Variants in ARL8B observed in about 807,000 individuals in gnomAD.
ARL8B encodes the protein ARF like GTPase 8B.
Under a neutral mutation model 30.6 loss-of-function variants are expected in ARL8B, and 9 were observed. The observed-to-expected ratio is 0.29, with a 90% confidence interval of 0.18 to 0.51. The LOEUF (loss-of-function observed/expected upper bound fraction) is 0.51, where lower values mean the gene tolerates loss of function less well. ARL8B is among the 20% of genes least tolerant of loss of function. The probability of loss-of-function intolerance (pLI) is 0.97; values close to 1 mark genes in which losing one functional copy is unlikely to be tolerated. For missense variants in ARL8B, 130 were observed against 227.2 expected (o/e 0.57, Z 2.75); for synonymous variants, 74 against 76.0 (o/e 0.97, Z 0.14).
chr3:5,143,533 A>T (rs1338850345), intron 1 of ARL8B, among the ~76,000 whole-genome samples: 1 of 152,292 alleles, frequency 6.6e-6, no homozygotes, highest in Admixed American at 6.5e-5. Context: ...TGCACTTTCC[A>T]CTGGTCTTGT....
Position 5,122,444 on chromosome 3 carries a change from G to A in ARL8B, c.-22G>A, listed in dbSNP as rs1007631644. The A allele has an allele frequency of 1.2e-6, 2 of 1,611,716 alleles. No homozygotes were observed. The highest frequency in any genetic ancestry group is 2.7e-5 in the African/African-American group (2 of 74,890). The stretch of plus-strand genomic sequence containing the variant: ...CCGCCGCTCGTCCGTCCTCCCGTCC[G>A]TTCTCGCTCCCGGCCGCCATCATGC... On this transcript the variant is annotated 5_prime_UTR_variant, in exon 1 of 7. Coordinates refer to ENST00000256496, the MANE Select transcript of ARL8B (RefSeq NM_018184.3).
intron 1 of ARL8B, among the ~76,000 whole-genome samples, chr3:5,123,642 T>C (rs573486369): frequency 3.7e-4 from 56 of 152,300 alleles, no homozygotes; most frequent in African/African-American, 1.3e-3. Flanking sequence ...ACTGTTGAAA[T>C]CCTGAAGATT....
intron 1 of ARL8B, among the ~76,000 whole-genome samples, 167 bp downstream of exon 1, chr3:5,122,755 C>T (rs1428606387): frequency 6.6e-6 from 1 of 152,206 alleles, no homozygotes; most frequent in Non-Finnish European, 1.5e-5. Context: ...GAATTTCCCG[C>T]GTGTTGGCGG....
At chr3:5,147,459 T>C (rs1377418502) in intron 1 of ARL8B, among the ~76,000 whole-genome samples, 3 of 152,214 alleles carry the variant, frequency 2.0e-5, no homozygotes, top group African/African-American at 7.2e-5. Flanking sequence ...TTCTTTTTTC[T>C]ATTCAGGACA....
intron 1 of ARL8B, among the ~76,000 whole-genome samples, chr3:5,128,920 A>G: frequency 6.6e-6 from 1 of 152,046 alleles, no homozygotes; most frequent in East Asian, 1.9e-4. Flanking sequence ...TATCTAAAAC[A>G]TTTTTCATGT....
chr3:5,131,459 C>T (rs527263004), intron 1 of ARL8B, among the ~76,000 whole-genome samples: 17 of 151,674 alleles, frequency 1.1e-4, no homozygotes, highest in Admixed American at 2.0e-4. Context: ...GGCGCGATCT[C>T]GGCTCACTGC....
chr3:5,156,488 C>T (rs556246391), intron 1 of ARL8B, among the ~76,000 whole-genome samples: 14 of 151,968 alleles, frequency 9.2e-5, no homozygotes, highest in African/African-American at 3.4e-4. Flanking sequence ...ACGATCCTGT[C>T]TCACTGCAAC....
At position 5,134,370 on chromosome 3, in the gene ARL8B, G is replaced by T. The variant is rs543533989; in HGVS notation, c.123+11782G>T. ...GCCCAGAAGAGGTCTTTAATAGCTG[G>T]GATGAAGGCTGTATATTCAGAGTGG... On this transcript the variant is annotated intron_variant, in intron 1 of 6. Transcript: ENST00000256496. Among the ~76,000 whole-genome samples, 12 of 152,306 alleles carry T rather than the reference G, an allele frequency of 7.9e-5. No individual in the cohort carries two copies. In the East Asian group the frequency reaches 1.9e-3, roughly 25 times the overall value.
intron 1 of ARL8B, among the ~76,000 whole-genome samples, chr3:5,138,315 T>A (rs1036429505): frequency 6.6e-6 from 1 of 152,034 alleles, no homozygotes; most frequent in African/African-American, 2.4e-5. Context: ...TTTGTACAAA[T>A]AATGACTCTC....
intron 1 of ARL8B, among the ~76,000 whole-genome samples, chr3:5,149,056 CAGG>C (rs1449470889): frequency 1.3e-5 from 2 of 152,220 alleles, no homozygotes; most frequent in African/African-American, 4.8e-5. Flanking sequence ...GTTTGCGTCG[CAGG>C]AGAACGGAAC....
chr3:5,175,998 A>G (rs759959773), intron 6 of ARL8B, among the ~76,000 whole-genome samples: 1 of 152,196 alleles, frequency 6.6e-6, no homozygotes, highest in Non-Finnish European at 1.5e-5. Flanking sequence ...TTAGGGGGAC[A>G]TTAAACATTC....
At chr3:5,127,002 T>C (rs1412600733) in intron 1 of ARL8B, among the ~76,000 whole-genome samples, 1 of 152,242 alleles carries the variant, frequency 6.6e-6, no homozygotes, top group Non-Finnish European at 1.5e-5. Flanking sequence ...GTCTACACTT[T>C]TGCACATTGT....
chr3:5,179,979 C>T lies in ARL8B; in HGVS notation c.*1266C>T, dbSNP rs1488712750. 3 of 152,634 alleles carry T rather than the reference C, an allele frequency of 2.0e-5. No homozygotes were observed. Among genetic ancestry groups the T allele is most frequent in the Admixed American group, 2.0e-4 (3 of 15,276 alleles). The allele number at this position is 152,634 out of a possible 1,614,324, so 9.5% of individuals were successfully genotyped here. A position where few individuals can be genotyped will look rare whatever the true frequency, so the allele number is the denominator to read the frequency against. On this transcript the variant is annotated 3_prime_UTR_variant, in exon 7 of 7. Transcript: ENST00000256496. ...AGCGACTTCCGTATACATAAAGGGA[C>T]ATATTAATACTGGTTCATTTGTAAA...
At chr3:5,126,062 G>A (rs1476853988) in intron 1 of ARL8B, among the ~76,000 whole-genome samples, 2 of 151,020 alleles carry the variant, frequency 1.3e-5, no homozygotes, top group Non-Finnish European at 2.9e-5. Context: ...CATCTGGGCT[G>A]TAATTGGCTG....
intron 1 of ARL8B, among the ~76,000 whole-genome samples, chr3:5,133,322 G>A (rs373456216): frequency 2.0e-5 from 3 of 152,182 alleles, no homozygotes; most frequent in African/African-American, 4.8e-5. Flanking sequence ...CTGTGTTTCC[G>A]AAGGATTAAT....
At chr3:5,148,357 G>C (rs2054448474) in intron 1 of ARL8B, among the ~76,000 whole-genome samples, 1 of 152,158 alleles carries the variant, frequency 6.6e-6, no homozygotes, top group African/African-American at 2.4e-5. Context: ...GGAAGGGATA[G>C]GGAAGTTCTC....
chr3:5,172,083 G>T, intron 2 of ARL8B, 67 bp from the exon 3 acceptor site: 7 of 1,416,834 alleles, frequency 4.9e-6, no homozygotes, highest in South Asian at 1.2e-5. Context: ...CTTTTTTTCT[G>T]TTACTTCCTC....
rs115213169 is a variant in ARL8B at position 5,155,188 on chromosome 3, C to T, written c.124-15315C>T. On this transcript the variant is annotated intron_variant, in intron 1 of 6. Transcript: ENST00000256496. ...ACGTTTTAGCTGAAAATAGGATTCT[C>T]GGTTAACAGTTTTTGTTTTTTCATT... 8.8e-3 allele frequency among the ~76,000 whole-genome samples: 1,347 copies of T among 152,262 alleles called. 17 individuals are homozygous for T. Among genetic ancestry groups the T allele is most frequent in the African/African-American group, 0.03 (1,258 of 41,556 alleles).
intron 1 of ARL8B, among the ~76,000 whole-genome samples, chr3:5,163,555 G>A (rs2054599305): frequency 6.6e-6 from 1 of 152,132 alleles, no homozygotes; most frequent in Non-Finnish European, 1.5e-5. Context: ...GAATGATTAT[G>A]AACATATTTT....
Sources: gnomAD v4.1 joint callset for allele counts (sites outside exome capture counted in the v4.1 genomes callset) on GRCh38, gnomAD v4.1.1 for gene constraint, MANE v1.5 for transcripts, NCBI Gene and HGNC (gene_info 2026-07-23, HGNC 2026-07-21) for gene names.